The following LANCL2 variants were observed in gnomAD, a reference collection of about 807,000 sequenced individuals.
LANCL2 encodes the protein LanC like glutathione S-transferase 2.
A neutral mutation model predicts 56.9 loss-of-function variants in LANCL2; 33 were observed. The ratio of observed to expected loss-of-function variants is 0.58; its 90% CI spans 0.44 to 0.78. LANCL2 has a LOEUF of 0.78. Among genes scored for constraint, LANCL2 ranks in the 30% least tolerant of loss-of-function variants. LANCL2 has a pLI of 0.00. For missense variants in LANCL2, 562 were observed against 580.2 expected, an observed-to-expected ratio of 0.97 and a Z score of 0.32; for synonymous variants, 233 against 228.2, an observed-to-expected ratio of 1.02 and a Z score of -0.19.
chr7:55,392,557 G>A lies in LANCL2; in HGVS notation c.322+647G>A, dbSNP rs578236067. Among the ~76,000 whole-genome samples, 4 of 150,310 alleles carry A rather than the reference G, an allele frequency of 2.7e-5. No homozygotes were observed. The East Asian group carries it at 5.9e-4, about 22-fold the overall frequency. On this transcript the variant is annotated intron_variant, in intron 2 of 8. Coordinates refer to ENST00000254770, the MANE Select transcript of LANCL2 (RefSeq NM_018697.4). ...GTAAAGACGGAGTCTCACTGTTGCTGAGGTTGGTCTCAAATTCCTGGGCTC... is the reference window on the plus strand; with the variant it reads ...GTAAAGACGGAGTCTCACTGTTGCTAAGGTTGGTCTCAAATTCCTGGGCTC...
intron 1 of LANCL2, among the ~76,000 whole-genome samples, chr7:55,390,868 G>T (rs1790179429): frequency 6.6e-6 from 1 of 151,964 alleles, no homozygotes. Context: ...TCTTTGGAGA[G>T]ACTGCCAACA....
intron 5 of LANCL2, among the ~76,000 whole-genome samples, chr7:55,407,866 C>A (rs1419089324): frequency 6.6e-6 from 1 of 152,242 alleles, no homozygotes; most frequent in Admixed American, 6.5e-5. Context: ...GGCAATCCCC[C>A]ATCCAGCCAC....
At chr7:55,366,263 G>C (rs1203000948) in intron 1 of LANCL2, 34 bp downstream of exon 1, 4 of 1,437,028 alleles carry the variant, frequency 2.8e-6, no homozygotes, top group African/African-American at 1.5e-5. Context: ...AGGCGCCGGA[G>C]GGGGAGCGCG....
rs552128173 is a variant in LANCL2, at chr7:55,366,037, C to G, written c.12C>G (p.Thr4=). The G allele has an allele frequency of 1.3e-6, 2 of 1,490,174 alleles. No homozygotes were observed. Among genetic ancestry groups the G allele is most frequent in the Non-Finnish European group, 1.8e-6 (2 of 1,114,406 alleles). The allele number at this position is 1,490,174 out of a possible 1,614,324, so 92.3% of individuals were successfully genotyped here. The change falls in exon 1 of 9, where the codon ACC becomes ACG. Residue 4 remains threonine (T), a synonymous_variant. Coordinates refer to ENST00000254770, the MANE Select transcript of LANCL2 (RefSeq NM_018697.4). ...GTACCGCGGCGGAGATGGGCGAGACCATGTCAAAGAGGCTGAAGCTCCACC... is the reference window on the plus strand; with the variant it reads ...GTACCGCGGCGGAGATGGGCGAGACGATGTCAAAGAGGCTGAAGCTCCACC... MGE[T]MSKRLKLHLG... is the part of the protein sequence containing the mutation.
chr7:55,419,614 C>G (rs1261655877), intron 6 of LANCL2, among the ~76,000 whole-genome samples: 1 of 151,990 alleles, frequency 6.6e-6, no homozygotes, highest in Non-Finnish European at 1.5e-5. Context: ...GTAGGCCAGG[C>G]TGGTCTCGAA....
intron 6 of LANCL2, among the ~76,000 whole-genome samples, chr7:55,417,722 G>A (rs991724138): frequency 2.6e-5 from 4 of 151,908 alleles, no homozygotes; most frequent in Non-Finnish European, 2.9e-5. Context: ...TTGCTTGGTC[G>A]CCCAGGCTGG....
intron 5 of LANCL2, among the ~76,000 whole-genome samples, chr7:55,408,509 A>C (rs1790435926): frequency 6.6e-6 from 1 of 152,124 alleles, no homozygotes; most frequent in Admixed American, 6.5e-5. Context: ...CTACTAAAAA[A>C]ATACAAAAAA....
intron 5 of LANCL2, among the ~76,000 whole-genome samples, chr7:55,405,374 A>G (rs961915167): frequency 2.0e-5 from 3 of 152,244 alleles, no homozygotes; most frequent in Non-Finnish European, 4.4e-5. Context: ...GCTAATCTCA[A>G]CTGGAAACAC....
At chr7:55,415,908 TC>T (rs917910834) in intron 6 of LANCL2, among the ~76,000 whole-genome samples, 23 of 152,230 alleles carry the variant, frequency 1.5e-4, no homozygotes, top group African/African-American at 5.5e-4. Context: ...AGCCACTGTG[TC>T]CGGCCAGTTT....
At chr7:55,428,964 C>T (rs572425843) in intron 8 of LANCL2, among the ~76,000 whole-genome samples, 12 of 152,278 alleles carry the variant, frequency 7.9e-5, no homozygotes, top group Non-Finnish European at 1.3e-4. Flanking sequence ...GAGTCCACCA[C>T]GGGCGCAGGG....
intron 6 of LANCL2, among the ~76,000 whole-genome samples, chr7:55,419,028 A>T (rs1008699861): frequency 6.6e-6 from 1 of 152,034 alleles, no homozygotes; most frequent in Non-Finnish European, 1.5e-5. Flanking sequence ...TTGGTCTGCT[A>T]ATATTTTGTT....
chr7:55,421,810 C>G (rs1311392675), intron 6 of LANCL2, among the ~76,000 whole-genome samples: 2 of 152,194 alleles, frequency 1.3e-5, no homozygotes, highest in Non-Finnish European at 2.9e-5. Context: ...TCCTCCAGAG[C>G]TTTGCACTCT....
chr7:55,402,859 G>A lies in LANCL2; in HGVS notation c.825+1539G>A, dbSNP rs571083907. 2.0e-5 allele frequency among the ~76,000 whole-genome samples: 3 copies of A among 148,316 alleles called. No individual in the cohort carries two copies. In the South Asian group the frequency reaches 6.4e-4, roughly 32 times the overall value. ...CCAGACGGGGCGGCAGGGCAGAGGC[G>A]CTCCCCACATCTCAGACGATGGGCG... On this transcript the variant is annotated intron_variant, in intron 5 of 8. Transcript: ENST00000254770.
intron 2 of LANCL2, among the ~76,000 whole-genome samples, chr7:55,393,077 T>C (rs1379633555): frequency 2.6e-5 from 4 of 152,238 alleles, no homozygotes; most frequent in Admixed American, 1.3e-4. Flanking sequence ...GCATTCTTAT[T>C]ATTTTACCCA....
intron 5 of LANCL2, among the ~76,000 whole-genome samples, chr7:55,402,628 G>A (rs1790350889): frequency 8.6e-6 from 1 of 116,540 alleles, no homozygotes; most frequent in Admixed American, 7.6e-5. Flanking sequence ...CTCCCGGATG[G>A]GGCGGCTGGC....
At chr7:55,414,424 A>G (rs1790504211) in intron 6 of LANCL2, among the ~76,000 whole-genome samples, 1 of 152,224 alleles carries the variant, frequency 6.6e-6, no homozygotes, top group South Asian at 2.1e-4. Context: ...AACAAGCTCT[A>G]ACATTTTCTT....
chr7:55,370,277 A>G (rs1033043095), intron 1 of LANCL2, among the ~76,000 whole-genome samples: 1 of 152,226 alleles, frequency 6.6e-6, no homozygotes, highest in Non-Finnish European at 1.5e-5. Context: ...AAAGTATGCA[A>G]GAGCACCCAA....
chr7:55,369,641 A>G (rs998125580), intron 1 of LANCL2, among the ~76,000 whole-genome samples: 7 of 152,148 alleles, frequency 4.6e-5, no homozygotes. Flanking sequence ...GTGGCCGTGG[A>G]CTTAAGGGGA....
chr7:55,394,884 A>AGGG (rs1312139631), intron 2 of LANCL2, among the ~76,000 whole-genome samples: 1 of 152,240 alleles, frequency 6.6e-6, no homozygotes. Flanking sequence ...GAAAGTGCAC[A>AGGG]GGGAATGGGG....
Sources: allele counts gnomAD v4.1 joint callset (sites outside exome capture counted in the v4.1 genomes callset), GRCh38; gene constraint gnomAD v4.1.1; transcripts MANE v1.5; gene names NCBI Gene and HGNC (gene_info 2026-07-23, HGNC 2026-07-21).